P4HB: variants seen among roughly 807,000 people sequenced by gnomAD.
P4HB encodes protein disulfide-isomerase.
Under a neutral mutation model 52.6 loss-of-function variants are expected in P4HB, and 20 were observed. That is an observed-to-expected ratio of 0.38 (90% CI 0.27 to 0.55). The LOEUF is 0.55. Ranked by LOEUF, P4HB falls within the 20% of genes least tolerant of loss-of-function variation. The pLI, the probability that P4HB is intolerant of heterozygous loss-of-function variation, is 0.74. For synonymous variants in P4HB, 296 were observed against 277.9 expected (o/e 1.07, Z -0.65); for missense variants, 601 against 669.2 (o/e 0.90, Z 1.12).
At chr17:81,857,687 C>T (rs2038932690) in intron 2 of P4HB, among the ~76,000 whole-genome samples, 1 of 152,186 alleles carries the variant, frequency 6.6e-6, no homozygotes, top group Non-Finnish European at 1.5e-5. Context: ...CCTCCCAGAC[C>T]AGGAAGAAGA....
chr17:81,851,318 T>C (rs1053994129), intron 4 of P4HB, among the ~76,000 whole-genome samples: 1 of 152,224 alleles, frequency 6.6e-6, no homozygotes, highest in African/African-American at 2.4e-5. Flanking sequence ...CAGAGTAACT[T>C]AGAGACCAGG....
Position 81,846,118 on chromosome 17 carries a change from C to G in P4HB, c.1057-127G>C. 1.7e-6 allele frequency: 2 copies of G among 1,205,284 alleles called. No individual in the cohort carries two copies. The highest frequency in any genetic ancestry group is 2.3e-6 in the Non-Finnish European group (2 of 888,700). The allele number at this position is 1,205,284 out of a possible 1,614,324, so 74.7% of individuals were successfully genotyped here. A position where few individuals can be genotyped will look rare whatever the true frequency, so the allele number is the denominator to read the frequency against. ...GGCACACCAGGGTGGCAGCCGCAGA[C>G]ACCAACAGTGCCAAGAATCCAGAAA... On this transcript the variant is annotated intron_variant, in intron 7 of 10. Transcript: ENST00000331483. The surrounding 1 kb of genome is among the most constrained non-coding windows in gnomAD (Gnocchi z 5.7).
chr17:81,848,947 G>A (rs2038783538), intron 4 of P4HB, among the ~76,000 whole-genome samples: 1 of 151,222 alleles, frequency 6.6e-6, no homozygotes, highest in Non-Finnish European at 1.5e-5. Context: ...TCGGGAGACT[G>A]AGGCAGAAGA....
chr17:81,845,906 G>A lies in P4HB; in HGVS notation c.1142C>T (p.Ala381Val). 1 of 1,613,816 alleles carries A rather than the reference G, an allele frequency of 6.2e-7. No homozygotes were observed. Among genetic ancestry groups the A allele is most frequent in the Middle Eastern group, 1.7e-4 (1 of 6,058 alleles). Residue 381 changes from alanine to valine, a missense_variant, in exon 8 of 11, where the codon GCT (alanine) becomes GTT (valine). By Grantham distance (64) the Ala-to-Val change is moderately conservative. Coordinates refer to ENST00000331483, the MANE Select transcript of P4HB (RefSeq NM_000918.4). The part of the protein sequence containing the change: ...VLVGKNFEDV[A>V]FDEKKNVFVE... ...AAAGACGTTTTTTTTCTCATCAAAAGCCACGTCTTCAAAGTTCTTCCCAAC... is the reference window on the plus strand; with the variant it reads ...AAAGACGTTTTTTTTCTCATCAAAAACCACGTCTTCAAAGTTCTTCCCAAC...
At chr17:81,847,645 G>A (rs1179741044) in intron 4 of P4HB, 1 of 454,952 alleles carries the variant, frequency 2.2e-6, no homozygotes, top group East Asian at 3.9e-5. Flanking sequence ...AGGGCCCCTA[G>A]CCTTTTCAGG....
At chr17:81,845,113 G>C (rs745961057) in intron 10 of P4HB, 31 bp downstream of exon 10, 2 of 1,550,048 alleles carry the variant, frequency 1.3e-6, no homozygotes, top group Non-Finnish European at 1.8e-6. Context: ...CTGAATCCCA[G>C]AGACCAGCCC....
At chr17:81,859,093 C>T in intron 2 of P4HB, 88 bp downstream of exon 2, 4 of 1,262,462 alleles carry the variant, frequency 3.2e-6, no homozygotes, top group Middle Eastern at 1.9e-4. Context: ...CCCGGCCTCC[C>T]CACCGCTCAG....
At chr17:81,844,264 AG>A (rs1270502098) in intron 10 of P4HB, among the ~76,000 whole-genome samples, 172 bp from the exon 11 acceptor site, 1 of 152,194 alleles carries the variant, frequency 6.6e-6, no homozygotes, top group Non-Finnish European at 1.5e-5. Flanking sequence ...GGGTCTTCCC[AG>A]GAAGAGTGAC....
chr17:81,855,538 C>T lies in P4HB; in HGVS notation c.401G>A (p.Gly134Asp), dbSNP rs199978948. ...GTCAGGCAGGGTGGTGGCAGCCGGGCCCGTGCGCTTCTTCAGCCAGTTCAC... is the reference window on the plus strand; with the variant it reads ...GTCAGGCAGGGTGGTGGCAGCCGGGTCCGTGCGCTTCTTCAGCCAGTTCAC... ...DIVNWLKKRT[G>D]PAATTLPDGA... The change falls in exon 3 of 11, where the codon GGC (glycine) becomes GAC (aspartate). Residue 134 changes from glycine (G) to aspartate (D), a missense_variant. Coordinates refer to ENST00000331483, the MANE Select transcript of P4HB (RefSeq NM_000918.4). This position sits in a 1 kb window ranked among gnomAD's most constrained non-coding sequence, Gnocchi z 4.3. 5.6e-6 allele frequency: 9 copies of T among 1,613,964 alleles called. No individual in the cohort carries two copies. The South Asian group carries it at 8.8e-5, about 16-fold the overall frequency.
chr17:81,850,279 C>T (rs188487346), intron 4 of P4HB, among the ~76,000 whole-genome samples: 21 of 151,492 alleles, frequency 1.4e-4, no homozygotes, highest in African/African-American at 4.1e-4. Context: ...ATTACAGGTA[C>T]GCGCCACCAC....
chr17:81,856,453 T>C (rs1256763701), intron 2 of P4HB, among the ~76,000 whole-genome samples: 2 of 151,338 alleles, frequency 1.3e-5, no homozygotes, highest in Non-Finnish European at 2.9e-5. Flanking sequence ...TTCTCCTGCC[T>C]GACCCTCCCG....
chr17:81,860,071 T>C (rs1227167155), intron 1 of P4HB: 2 of 355,250 alleles, frequency 5.6e-6, no homozygotes, highest in Non-Finnish European at 1.0e-5. Flanking sequence ...CTCACACAGG[T>C]CGATCCTGTT....
Position 81,855,495 on chromosome 17 carries a change from G to A in P4HB, c.444C>T (p.Ser148=). 2 of 1,613,970 alleles carry A rather than the reference G, an allele frequency of 1.2e-6. No homozygotes were observed. Among genetic ancestry groups the A allele is most frequent in the Non-Finnish European group, 1.7e-6 (2 of 1,180,008 alleles). The change falls in exon 3 of 11, where the codon TCC becomes TCT. Residue 148 remains serine (S), a synonymous_variant. Coordinates refer to ENST00000331483, the MANE Select transcript of P4HB (RefSeq NM_000918.4). The surrounding 1 kb of genome is among the most constrained non-coding windows in gnomAD (Gnocchi z 4.3). ...CAGCCACCTCGCTGGACTCCACCAA[G>A]GACTCTGCAGCTGCGCCGTCAGGCA... is the stretch of plus-strand genomic sequence containing the variant. The part of the protein sequence containing the change: ...TTLPDGAAAE[S]LVESSEVAVI...
At position 81,846,968 on chromosome 17, in the gene P4HB, T is replaced by C. The variant is rs1339359054; in HGVS notation, c.834A>G (p.Ala278=). Residue 278 remains alanine, a synonymous_variant, in exon 6 of 11, where the codon GCA becomes GCG. Coordinates refer to ENST00000331483, the MANE Select transcript of P4HB (RefSeq NM_000918.4). This position sits in a 1 kb window ranked among gnomAD's most constrained non-coding sequence, Gnocchi z 5.7. ...TCACCTTGCCCTTGAAGCTCTCGGCTGCTGTTTTGAAGTTGCTCAGTTTGC... is the reference window on the plus strand; with the variant it reads ...TCACCTTGCCCTTGAAGCTCTCGGCCGCTGTTTTGAAGTTGCTCAGTTTGC... ...YDGKLSNFKT[A]AESFKGKILF... 1 of 1,614,088 alleles carries C rather than the reference T, an allele frequency of 6.2e-7. No individual in the cohort carries two copies. Among genetic ancestry groups the C allele is most frequent in the Non-Finnish European group, 8.5e-7 (1 of 1,180,032 alleles).
rs761886240 is a variant in P4HB at position 81,855,698 on chromosome 17, C to T, written c.353-112G>A. The T allele has an allele frequency of 1.1e-5, 14 of 1,275,912 alleles. No individual in the cohort carries two copies. The highest frequency in any genetic ancestry group is 1.4e-5 in the South Asian group (1 of 68,980). The allele number at this position is 1,275,912 out of a possible 1,614,324, so 79.0% of individuals were successfully genotyped here. A position where few individuals can be genotyped will look rare whatever the true frequency, so the allele number is the denominator to read the frequency against. On this transcript the variant is annotated intron_variant, in intron 2 of 10. Coordinates refer to ENST00000331483, the MANE Select transcript of P4HB (RefSeq NM_000918.4). The surrounding 1 kb of genome is among the most constrained non-coding windows in gnomAD (Gnocchi z 4.3). ...GCCAGGCTGAGGACACCTGAATCAA[C>T]CTAAGTAAGATGTTCTCCCACCATG...
At position 81,855,757 on chromosome 17, in the gene P4HB, A is replaced by C; in HGVS notation, c.353-171T>G. The C allele has an allele frequency of 1.5e-6, 1 of 646,958 alleles. No individual in the cohort carries two copies. The allele number at this position is 646,958 out of a possible 1,614,324, so 40.1% of individuals were successfully genotyped here. A position where few individuals can be genotyped will look rare whatever the true frequency, so the allele number is the denominator to read the frequency against. The stretch of plus-strand genomic sequence containing the variant: ...CCGGTGCCGTCCGCCCGCCTCCTAA[A>C]CCCCAGTGTACGTGAGACTGTGGTT... On this transcript the variant is annotated intron_variant, in intron 2 of 10. Transcript: ENST00000331483. This position sits in a 1 kb window ranked among gnomAD's most constrained non-coding sequence, Gnocchi z 4.3.
chr17:81,848,401 T>A (rs2038772483), intron 4 of P4HB, among the ~76,000 whole-genome samples: 1 of 152,204 alleles, frequency 6.6e-6, no homozygotes, highest in Admixed American at 6.5e-5. Context: ...CTAGTTTCCG[T>A]AAAGATGTGA....
rs1307805152 is a variant in P4HB, at chr17:81,855,508, G to A, written c.431C>T (p.Ala144Val). ...GGACTCCACCAAGGACTCTGCAGCT[G>A]CGCCGTCAGGCAGGGTGGTGGCAGC... ...GPAATTLPDG[A>V]AAESLVESSE... Residue 144 changes from alanine (A) to valine (V), a missense_variant, in exon 3 of 11, where the codon GCA becomes GTA. Transcript: ENST00000331483. This position sits in a 1 kb window ranked among gnomAD's most constrained non-coding sequence, Gnocchi z 4.3. 2.5e-6 allele frequency: 4 copies of A among 1,613,856 alleles called. No individual in the cohort carries two copies. Among genetic ancestry groups the A allele is most frequent in the Non-Finnish European group, 3.4e-6 (4 of 1,179,998 alleles).
intron 4 of P4HB, among the ~76,000 whole-genome samples, chr17:81,852,264 G>C (rs943905122): frequency 6.6e-6 from 1 of 152,248 alleles, no homozygotes; most frequent in Non-Finnish European, 1.5e-5. Context: ...CATGGTGCCA[G>C]TGACCAGCAG....
Sources: gnomAD v4.1 joint callset for allele counts (sites outside exome capture counted in the v4.1 genomes callset) on GRCh38, gnomAD v4.1.1 for gene constraint, Gnocchi (gnomAD v3.1) non-coding constraint, MANE v1.5 for transcripts, NCBI Gene and HGNC (gene_info 2026-07-23, HGNC 2026-07-21) for gene names.